Variants in FSTL5 observed in about 807,000 individuals in gnomAD.
The protein encoded by FSTL5 is follistatin-related protein 5.
Under a neutral mutation model 89.1 loss-of-function variants are expected in FSTL5, and 62 were observed. The observed-to-expected ratio is 0.70, with a 90% confidence interval of 0.57 to 0.86. The LOEUF (loss-of-function observed/expected upper bound fraction) is 0.86, where lower values mean the gene tolerates loss of function less well. Among genes scored for constraint, FSTL5 ranks in the 40% least tolerant of loss-of-function variants. The probability of loss-of-function intolerance (pLI) is 0.00; values close to 1 mark genes in which losing one functional copy is unlikely to be tolerated. For synonymous variants in FSTL5, 383 were observed against 346.2 expected (o/e 1.11, Z -1.18); for missense variants, 1,057 against 1,001.6 (o/e 1.06, Z -0.75).
At chr4:161,995,029 A>C (rs1366458603) in intron 3 of FSTL5, among the ~76,000 whole-genome samples, 2 of 152,098 alleles carry the variant, frequency 1.3e-5, no homozygotes, top group African/African-American at 4.8e-5. Flanking sequence ...TTTTACATTT[A>C]AGTCTTTAAT....
intron 15 of FSTL5, among the ~76,000 whole-genome samples, chr4:161,431,474 G>A (rs1433786249): frequency 2.0e-5 from 3 of 150,132 alleles, no homozygotes; most frequent in African/African-American, 7.3e-5. Context: ...TAAACAGAAC[G>A]TAAAAATCAA....
intron 6 of FSTL5, among the ~76,000 whole-genome samples, chr4:161,677,266 A>C (rs2126704687): frequency 6.6e-6 from 1 of 152,094 alleles, no homozygotes; most frequent in South Asian, 2.1e-4. Context: ...TGAGACAGAA[A>C]GAGAGCCCGA....
chr4:161,922,034 T>A (rs998158146), intron 3 of FSTL5, among the ~76,000 whole-genome samples: 19 of 152,036 alleles, frequency 1.2e-4, no homozygotes, highest in Non-Finnish European at 2.5e-4. Context: ...TATTTATGCA[T>A]GAATTCTCAA....
intron 6 of FSTL5, among the ~76,000 whole-genome samples, chr4:161,684,267 C>T (rs1002756153): frequency 6.6e-6 from 1 of 152,024 alleles, no homozygotes; most frequent in African/African-American, 2.4e-5. Flanking sequence ...TGTATAATGA[C>T]TTATTTTGCT....
intron 15 of FSTL5, among the ~76,000 whole-genome samples, chr4:161,388,686 C>T (rs889250608): frequency 1.3e-5 from 2 of 151,966 alleles, no homozygotes; most frequent in Non-Finnish European, 2.9e-5. Context: ...TGTACATGAG[C>T]TCAGAGGAAA....
rs1358723155 is a variant in FSTL5 at position 161,386,165 on chromosome 4, A to C, written c.2126T>G (p.Ile709Ser). ...CCTTACAAGACCTTTCACATCATTA[A>C]TGCTGACAAGGTAGTGGCCATCTGG... is the stretch of plus-strand genomic sequence containing the variant. ...VSPDGHYLVS[I>S]NDVKGLVRVQ... Residue 709 changes from isoleucine (I) to serine (S), a missense_variant, in exon 16 of 16, where the codon ATT becomes AGT. By Grantham distance (142) the Ile-to-Ser change is moderately radical. Coordinates refer to ENST00000306100, the MANE Select transcript of FSTL5 (RefSeq NM_020116.5). 1.2e-6 allele frequency: 2 copies of C among 1,613,930 alleles called. No homozygotes were observed. The highest frequency in any genetic ancestry group is 1.6e-4 in the Middle Eastern group (1 of 6,084).
intron 1 of FSTL5, among the ~76,000 whole-genome samples, chr4:162,120,634 GAAGT>G (rs1561030001): frequency 6.6e-6 from 1 of 151,988 alleles, no homozygotes; most frequent in East Asian, 1.9e-4. Context: ...AATTGACTGT[GAAGT>G]GAGTCAAAAA....
chr4:161,431,819 A>C (rs1028031596), intron 15 of FSTL5, among the ~76,000 whole-genome samples: 3 of 152,136 alleles, frequency 2.0e-5, no homozygotes, highest in African/African-American at 7.2e-5. Flanking sequence ...CAGTAGCTAA[A>C]CTTACTACAG....
At chr4:161,997,762 G>C (rs1378859105) in intron 3 of FSTL5, among the ~76,000 whole-genome samples, 1 of 147,912 alleles carries the variant, frequency 6.8e-6, no homozygotes, top group Non-Finnish European at 1.5e-5. Context: ...CCGCCACCAC[G>C]CCCGGCTAAT....
intron 6 of FSTL5, among the ~76,000 whole-genome samples, chr4:161,659,755 G>C (rs1018530228): frequency 6.6e-6 from 1 of 152,022 alleles, no homozygotes; most frequent in African/African-American, 2.4e-5. Flanking sequence ...TTAAAAACAA[G>C]AATTTTGAAA....
chr4:162,073,871 C>G (rs943730130), intron 2 of FSTL5, among the ~76,000 whole-genome samples: 1 of 151,728 alleles, frequency 6.6e-6, no homozygotes, highest in Non-Finnish European at 1.5e-5. Flanking sequence ...CTGTCGTTAA[C>G]ATCCTCAGGC....
chr4:161,388,430 A>G (rs1029145858), intron 15 of FSTL5: 1 of 152,092 alleles, frequency 6.6e-6, no homozygotes, highest in African/African-American at 2.4e-5. Flanking sequence ...TAAGGAATAA[A>G]AAAGCTTCAA....
intron 6 of FSTL5, among the ~76,000 whole-genome samples, chr4:161,676,353 G>A (rs1737299313): frequency 6.6e-6 from 1 of 152,064 alleles, no homozygotes; most frequent in Non-Finnish European, 1.5e-5. Flanking sequence ...GTTCTTTGCA[G>A]GGACATGGAT....
At chr4:161,540,678 C>T (rs1731788430) in intron 9 of FSTL5, among the ~76,000 whole-genome samples, 1 of 152,076 alleles carries the variant, frequency 6.6e-6, no homozygotes, top group South Asian at 2.1e-4. Context: ...AGCCTCCCCA[C>T]CAGGAGCTAC....
chr4:162,008,168 T>A (rs1736663572), intron 3 of FSTL5, among the ~76,000 whole-genome samples: 1 of 151,922 alleles, frequency 6.6e-6, no homozygotes, highest in Non-Finnish European at 1.5e-5. Flanking sequence ...TTAAACTGTT[T>A]GCCCAGATTA....
chr4:162,113,710 A>AT (rs1379158280), intron 1 of FSTL5, among the ~76,000 whole-genome samples: 1 of 152,028 alleles, frequency 6.6e-6, no homozygotes, highest in Non-Finnish European at 1.5e-5. Context: ...TTTGTAAGGT[A>AT]TTTTCTCCAC....
intron 2 of FSTL5, among the ~76,000 whole-genome samples, chr4:162,053,174 G>A (rs2111261968): frequency 6.6e-6 from 1 of 151,676 alleles, no homozygotes; most frequent in Non-Finnish European, 1.5e-5. Flanking sequence ...TAATTTTTTG[G>A]CCAACGGAAA....
rs992895842 is a variant in FSTL5 at position 161,648,524 on chromosome 4, G to A, written c.894+7804C>T. Among the ~76,000 whole-genome samples the A allele has an allele frequency of 3.9e-5, 6 of 152,276 alleles. No homozygotes were observed. In the East Asian group the frequency reaches 9.7e-4, roughly 25 times the overall value. On this transcript the variant is annotated intron_variant, in intron 7 of 15. Transcript: ENST00000306100. ...AAAAAGAAAGAAGAAGTGAATCGGG[G>A]AGACAAACATCTCTTCAGCACTTCT...
At chr4:162,132,418 A>C (rs186341931) in intron 1 of FSTL5, among the ~76,000 whole-genome samples, 2 of 152,306 alleles carry the variant, frequency 1.3e-5, no homozygotes, top group East Asian at 3.9e-4. Context: ...TTCACTCCTG[A>C]AGCCAGCGAG....
Sources: gnomAD v4.1 joint callset for allele counts (sites outside exome capture counted in the v4.1 genomes callset) on GRCh38, gnomAD v4.1.1 for gene constraint, MANE v1.5 for transcripts, NCBI Gene and HGNC (gene_info 2026-07-23, HGNC 2026-07-21) for gene names.